LRRTM3: variants seen among roughly 807,000 people sequenced by gnomAD.
LRRTM3 encodes the protein leucine rich repeat transmembrane neuronal 3, also known as leucine-rich repeat transmembrane neuronal protein 3.
LRRTM3 carries 24 observed loss-of-function variants against 44.7 expected under a neutral mutation model. The ratio of observed to expected loss-of-function variants is 0.54; its 90% CI spans 0.39 to 0.76. LRRTM3 has a LOEUF of 0.76. Ranked by LOEUF, LRRTM3 falls within the 30% of genes least tolerant of loss-of-function variation. The pLI, the probability that LRRTM3 is intolerant of heterozygous loss-of-function variation, is 0.00. For synonymous variants in LRRTM3, 277 were observed against 278.7 expected (o/e 0.99, Z 0.06); for missense variants, 587 against 702.2 (o/e 0.84, Z 1.85).
At chr10:66,928,625 T>A (rs1471558028) in intron 2 of LRRTM3, among the ~76,000 whole-genome samples, 173 bp downstream of exon 2, 1 of 152,146 alleles carries the variant, frequency 6.6e-6, no homozygotes, top group African/African-American at 2.4e-5. Context: ...ATACTGGTCA[T>A]TTTCCTCTCA....
chr10:67,045,930 C>G (rs1008958492), intron 2 of LRRTM3, among the ~76,000 whole-genome samples: 6 of 152,184 alleles, frequency 3.9e-5, no homozygotes, highest in African/African-American at 1.4e-4. Context: ...ACAAGAACTT[C>G]TCGAGTAGGT....
chr10:66,926,747 T>A (rs1192390001), intron 1 of LRRTM3, among the ~76,000 whole-genome samples, 160 bp downstream of exon 1: 1 of 152,128 alleles, frequency 6.6e-6, no homozygotes, highest in Non-Finnish European at 1.5e-5. Flanking sequence ...TTTAACTATT[T>A]AAAAAAACAA....
chr10:67,084,860 A>G (rs977335210), intron 2 of LRRTM3, among the ~76,000 whole-genome samples: 8 of 151,994 alleles, frequency 5.3e-5, no homozygotes, highest in African/African-American at 1.7e-4. Flanking sequence ...GTTATAGATT[A>G]GCAGTATAAA....
At chr10:67,097,499 A>G in intron 2 of LRRTM3, 88 bp from the exon 3 acceptor site, 1 of 1,116,084 alleles carries the variant, frequency 9.0e-7, no homozygotes. Context: ...CATGGAGGTT[A>G]GTCAGGTCAG....
chr10:67,002,108 GGATTCAAT>G (rs1331348653), intron 2 of LRRTM3, among the ~76,000 whole-genome samples: 8 of 152,066 alleles, frequency 5.3e-5, no homozygotes, highest in Non-Finnish European at 2.9e-5. Flanking sequence ...TGAGATCGTT[GGATTCAAT>G]GATCTCTAAG....
At chr10:67,081,685 G>A (rs1037425794) in intron 2 of LRRTM3, among the ~76,000 whole-genome samples, 4 of 152,148 alleles carry the variant, frequency 2.6e-5, no homozygotes, top group African/African-American at 9.7e-5. Flanking sequence ...ATTTTGAGTA[G>A]TTCTAGTCTC....
At chr10:67,054,702 A>G (rs867145273) in intron 2 of LRRTM3, 3 of 152,154 alleles carry the variant, frequency 2.0e-5, no homozygotes, top group South Asian at 2.1e-4. Flanking sequence ...ATCTGGCACC[A>G]CTTACTCTTG....
chr10:66,992,769 T>C (rs1488791265), intron 2 of LRRTM3, among the ~76,000 whole-genome samples: 2 of 152,162 alleles, frequency 1.3e-5, no homozygotes, highest in Non-Finnish European at 2.9e-5. Flanking sequence ...AATTTTTCCT[T>C]ATGGATACTT....
At chr10:67,088,808 ATT>A (rs1294337554) in intron 2 of LRRTM3, among the ~76,000 whole-genome samples, 10 of 152,072 alleles carry the variant, frequency 6.6e-5, no homozygotes, top group Non-Finnish European at 1.3e-4. Context: ...AAATCTGCAA[ATT>A]TATATTGAGT....
chr10:66,959,455 G>A (rs567006115), intron 2 of LRRTM3, among the ~76,000 whole-genome samples: 2 of 151,992 alleles, frequency 1.3e-5, no homozygotes, highest in South Asian at 2.1e-4. Flanking sequence ...CCACTTCTGC[G>A]GCAATTGGGC....
intron 2 of LRRTM3, among the ~76,000 whole-genome samples, chr10:67,072,900 C>T (rs1856546693): frequency 6.6e-6 from 1 of 152,224 alleles, no homozygotes. Flanking sequence ...CTTTGGCTTC[C>T]TATGCAGCCT....
intron 2 of LRRTM3, among the ~76,000 whole-genome samples, chr10:67,074,034 C>CTTTTTTTT (rs35411851): frequency 2.7e-5 from 3 of 109,436 alleles, no homozygotes; most frequent in African/African-American, 1.0e-4. Flanking sequence ...CATTTTAACT[C>CTTTTTTTT]TTTTTTTTTT....
chr10:66,962,757 A>G (rs1372358984), intron 2 of LRRTM3, among the ~76,000 whole-genome samples: 4 of 152,114 alleles, frequency 2.6e-5, no homozygotes, highest in African/African-American at 9.7e-5. Context: ...TAAGGCCTTC[A>G]TGATACCCCC....
intron 2 of LRRTM3, among the ~76,000 whole-genome samples, chr10:67,052,086 T>C (rs1192409666): frequency 6.6e-6 from 1 of 152,144 alleles, no homozygotes; most frequent in South Asian, 2.1e-4. Flanking sequence ...GGATTTTGTT[T>C]GGAGGGGTCG....
intron 2 of LRRTM3, among the ~76,000 whole-genome samples, chr10:67,017,129 G>A (rs1172264624): frequency 6.6e-6 from 1 of 152,138 alleles, no homozygotes; most frequent in Non-Finnish European, 1.5e-5. Context: ...AACAATAACT[G>A]AGCAAACAAT....
chr10:67,025,634 T>C (rs1193690590), intron 2 of LRRTM3, among the ~76,000 whole-genome samples: 1 of 152,176 alleles, frequency 6.6e-6, no homozygotes, highest in Non-Finnish European at 1.5e-5. Context: ...TTAAAATCTA[T>C]ATAGCAAGTT....
intron 2 of LRRTM3, chr10:67,015,145 A>T (rs1169946306): frequency 6.6e-6 from 1 of 152,170 alleles, no homozygotes; most frequent in Non-Finnish European, 1.5e-5. Flanking sequence ...TAGGGAAATT[A>T]ACTGATACCT....
At chr10:67,033,987 G>T (rs973421952) in intron 2 of LRRTM3, among the ~76,000 whole-genome samples, 4 of 152,114 alleles carry the variant, frequency 2.6e-5, no homozygotes, top group Non-Finnish European at 5.9e-5. Flanking sequence ...GGCCAGGCTG[G>T]TCTCAAATGC....
intron 2 of LRRTM3, among the ~76,000 whole-genome samples, chr10:66,930,038 G>T (rs1847288747): frequency 6.6e-6 from 1 of 151,936 alleles, no homozygotes; most frequent in Non-Finnish European, 1.5e-5. Flanking sequence ...AAGAAAAAGT[G>T]AATGGCTATT....
Sources: gnomAD v4.1 joint callset for allele counts (sites outside exome capture counted in the v4.1 genomes callset) on GRCh38, gnomAD v4.1.1 for gene constraint, MANE v1.5 for transcripts, NCBI Gene and HGNC (gene_info 2026-07-23, HGNC 2026-07-21) for gene names.